Variants in CEP70 observed in about 807,000 individuals in gnomAD.
The protein encoded by CEP70 is centrosomal protein 70.
A neutral mutation model predicts 90.9 loss-of-function variants in CEP70; 70 were observed. That is an observed-to-expected ratio of 0.77 (90% confidence interval 0.64 to 0.94). The LOEUF is 0.94. Among genes scored for constraint, CEP70 ranks in the 40% least tolerant of loss-of-function variants. The pLI is 0.00. For synonymous variants in CEP70, 220 were observed against 228.3 expected, an observed-to-expected ratio of 0.96 and a Z score of 0.33; for missense variants, 648 against 669.0, an observed-to-expected ratio of 0.97 and a Z score of 0.35.
chr3:138,583,136 A>G (rs944190440), intron 2 of CEP70, among the ~76,000 whole-genome samples: 3 of 152,236 alleles, frequency 2.0e-5, no homozygotes, highest in Non-Finnish European at 2.9e-5. Context: ...TTACATGCCA[A>G]TGAATCCAGT....
chr3:138,579,504 C>G (rs1165949344), intron 2 of CEP70, among the ~76,000 whole-genome samples: 1 of 151,580 alleles, frequency 6.6e-6, no homozygotes, highest in African/African-American at 2.4e-5. Context: ...AGGACTTTGT[C>G]TTGCAACTCG....
chr3:138,529,164 C>CA, intron 10 of CEP70, 35 bp downstream of exon 10: 2 of 1,266,564 alleles, frequency 1.6e-6, no homozygotes, highest in Non-Finnish European at 2.2e-6. Flanking sequence ...GACCCTGTCT[C>CA]AGGAAAAAAA....
At chr3:138,522,767 G>A (rs2036801597) in intron 11 of CEP70, among the ~76,000 whole-genome samples, 5 of 152,120 alleles carry the variant, frequency 3.3e-5, no homozygotes, top group Admixed American at 3.3e-4. Flanking sequence ...AGGACCAGAT[G>A]GATTCACAGC....
intron 11 of CEP70, among the ~76,000 whole-genome samples, chr3:138,524,600 A>C (rs551321538): frequency 6.6e-6 from 1 of 152,214 alleles, no homozygotes. Flanking sequence ...ACAAGTGGGC[A>C]AAGGATATGA....
intron 11 of CEP70, among the ~76,000 whole-genome samples, chr3:138,511,418 G>A (rs927184995): frequency 1.3e-5 from 2 of 152,238 alleles, no homozygotes; most frequent in African/African-American, 4.8e-5. Context: ...CAGAAAAGCT[G>A]ATATGGCCTC....
chr3:138,556,905 T>A (rs962519853), intron 6 of CEP70, among the ~76,000 whole-genome samples: 1 of 152,288 alleles, frequency 6.6e-6, no homozygotes, highest in East Asian at 1.9e-4. Flanking sequence ...CGGGCATCAT[T>A]GTCATTGATA....
At chr3:138,585,070 G>A (rs1016642791) in intron 2 of CEP70, among the ~76,000 whole-genome samples, 6 of 151,918 alleles carry the variant, frequency 3.9e-5, no homozygotes, top group Admixed American at 1.3e-4. Flanking sequence ...ACATGAGAAA[G>A]GAAAAAAAGG....
At chr3:138,560,144 G>A (rs887551979) in intron 6 of CEP70, among the ~76,000 whole-genome samples, 6 of 152,178 alleles carry the variant, frequency 3.9e-5, no homozygotes, top group South Asian at 2.1e-4. Context: ...TGATTTCTGC[G>A]TTTCCAACTG....
intron 6 of CEP70, among the ~76,000 whole-genome samples, chr3:138,567,312 T>C (rs1306261433): frequency 6.6e-6 from 1 of 152,236 alleles, no homozygotes; most frequent in African/African-American, 2.4e-5. Context: ...AATAGAAGAA[T>C]GTGTCTTAAA....
At chr3:138,588,396 C>G (rs2042212627) in intron 2 of CEP70, among the ~76,000 whole-genome samples, 1 of 152,106 alleles carries the variant, frequency 6.6e-6, no homozygotes, top group African/African-American at 2.4e-5. Context: ...TTAACATCAA[C>G]AAGAAGTAAA....
intron 6 of CEP70, among the ~76,000 whole-genome samples, chr3:138,537,859 C>G (rs775391680): frequency 5.3e-5 from 8 of 152,070 alleles, no homozygotes; most frequent in Non-Finnish European, 8.8e-5. Flanking sequence ...CTTCCCCCAA[C>G]AGAAAACCAA....
chr3:138,582,500 C>CCAGG (rs2041917180), intron 2 of CEP70, among the ~76,000 whole-genome samples: 1 of 137,714 alleles, frequency 7.3e-6, no homozygotes, highest in Non-Finnish European at 1.5e-5. Flanking sequence ...AAATAATGAG[C>CCAGG]CAGGCATGGT....
intron 11 of CEP70, among the ~76,000 whole-genome samples, chr3:138,523,972 C>T (rs1371009482): frequency 2.0e-5 from 3 of 147,982 alleles, no homozygotes; most frequent in African/African-American, 7.7e-5. Context: ...TGACTTCAAA[C>T]TATACTACAA....
chr3:138,554,414 G>A (rs561584216), intron 6 of CEP70, among the ~76,000 whole-genome samples: 24 of 152,126 alleles, frequency 1.6e-4, no homozygotes, highest in Non-Finnish European at 2.9e-5. Flanking sequence ...AACAAGATGA[G>A]GATGCCTACT....
At chr3:138,532,974 G>A (rs1269427463) in intron 7 of CEP70, among the ~76,000 whole-genome samples, 3 of 152,178 alleles carry the variant, frequency 2.0e-5, no homozygotes, top group African/African-American at 7.2e-5. Context: ...ATAAATAATG[G>A]CACATCCATA....
chr3:138,574,343 C>A (rs1159198190), intron 2 of CEP70, among the ~76,000 whole-genome samples: 1 of 152,228 alleles, frequency 6.6e-6, no homozygotes, highest in East Asian at 1.9e-4. Context: ...TCACTGCTAG[C>A]GCAGCAGTCC....
At chr3:138,562,035 AAAAG>A (rs909198259) in intron 6 of CEP70, among the ~76,000 whole-genome samples, 28 of 151,672 alleles carry the variant, frequency 1.8e-4, no homozygotes, top group Admixed American at 1.4e-3. Context: ...AAAAAAAAAA[AAAAG>A]AAGAACTTCG....
intron 6 of CEP70, among the ~76,000 whole-genome samples, chr3:138,541,419 AAAAAGAAAAAG>A (rs1381581205): frequency 2.3e-4 from 27 of 115,726 alleles, no homozygotes; most frequent in Non-Finnish European, 3.7e-4. Context: ...AAAGAAAAAG[AAAAAGAAAAAG>A]AAAAAAAAAA....
At chr3:138,525,165 C>T (rs576255391) in intron 11 of CEP70, among the ~76,000 whole-genome samples, 6 of 149,624 alleles carry the variant, frequency 4.0e-5, no homozygotes, top group Admixed American at 2.0e-4. Context: ...ATCGCAAGGA[C>T]AAAAAACCAA....
Sources: gnomAD v4.1 joint callset for allele counts (sites outside exome capture counted in the v4.1 genomes callset) on GRCh38, gnomAD v4.1.1 for gene constraint, MANE v1.5 for transcripts, NCBI Gene and HGNC (gene_info 2026-07-23, HGNC 2026-07-21) for gene names.